The following GRK5 variants were observed in gnomAD, a reference collection of about 807,000 sequenced individuals.
GRK5 encodes g protein-coupled receptor kinase GRK5.
A neutral mutation model predicts 78.4 loss-of-function variants in GRK5; 40 were observed. That is an observed-to-expected ratio of 0.51 (90% CI 0.40 to 0.66). The LOEUF (loss-of-function observed/expected upper bound fraction) is 0.66. GRK5 is among the 30% of genes least tolerant of loss of function. The pLI is 0.00. For missense variants in GRK5, 598 were observed against 759.9 expected, an observed-to-expected ratio of 0.79 and a Z score of 2.50; for synonymous variants, 289 against 296.8, an observed-to-expected ratio of 0.97 and a Z score of 0.27.
chr10:119,254,517 G>A (rs1849250016), intron 1 of GRK5, among the ~76,000 whole-genome samples: 1 of 152,138 alleles, frequency 6.6e-6, no homozygotes, highest in Admixed American at 6.5e-5. Flanking sequence ...AAGAAACCGT[G>A]CATGGGATTT....
rs930712471 is a variant in GRK5, at chr10:119,272,197, T to A, written c.53-54319T>A. ...GCATAGATGCTAAATGGGACGGTCCTGGGTTTGCACCCTGGCCTCTGCTCT... is the reference window on the plus strand; with the variant it reads ...GCATAGATGCTAAATGGGACGGTCCAGGGTTTGCACCCTGGCCTCTGCTCT... On this transcript the variant is annotated intron_variant, in intron 1 of 15. Coordinates refer to ENST00000392870, the MANE Select transcript of GRK5 (RefSeq NM_005308.3). Among the ~76,000 whole-genome samples the A allele has an allele frequency of 2.0e-5, 3 of 152,248 alleles. No homozygotes were observed. The East Asian group carries it at 5.8e-4, about 29-fold the overall frequency.
chr10:119,280,571 C>A (rs907258219), intron 1 of GRK5, among the ~76,000 whole-genome samples: 1 of 152,076 alleles, frequency 6.6e-6, no homozygotes, highest in South Asian at 2.1e-4. Context: ...TTAGGGGTCT[C>A]AGCATGGAAA....
chr10:119,422,115 T>G (rs4752306), intron 4 of GRK5, among the ~76,000 whole-genome samples: 118,050 of 151,894 alleles, frequency 0.78, 46,091 homozygotes, highest in African/African-American at 0.83. Context: ...AATTATCTCT[T>G]TAATTTATTA....
At chr10:119,410,308 A>C (rs991429124) in intron 4 of GRK5, among the ~76,000 whole-genome samples, 5 of 152,204 alleles carry the variant, frequency 3.3e-5, no homozygotes, top group African/African-American at 4.8e-5. Context: ...GCCAGCGTTT[A>C]AAGATATCTT....
At position 119,396,757 on chromosome 10, in the gene GRK5, G is replaced by A; in HGVS notation, c.324G>A (p.Lys108=). The change falls in exon 4 of 16, where the codon AAG becomes AAA. Residue 108 remains lysine, a synonymous_variant. Transcript: ENST00000392870. ...LGEKGKEIMT[K]YLTPKSPVFI... Reference sequence around the variant, plus strand: ...AGAAAGGGAAGGAAATTATGACCAAGTACCTCACCCCAAAGGTAAGGAGTC... The same window carrying A: ...AGAAAGGGAAGGAAATTATGACCAAATACCTCACCCCAAAGGTAAGGAGTC... The A allele has an allele frequency of 6.2e-7, 1 of 1,613,486 alleles. No individual in the cohort carries two copies. Among genetic ancestry groups the A allele is most frequent in the Non-Finnish European group, 8.5e-7 (1 of 1,179,378 alleles).
chr10:119,453,057 C>T, intron 14 of GRK5, 88 bp from the exon 15 acceptor site: 1 of 927,398 alleles, frequency 1.1e-6, no homozygotes, highest in Middle Eastern at 2.5e-4. Flanking sequence ...GCAGGTGAGG[C>T]CAGGGGAGGG....
chr10:119,314,977 A>G (rs1185435781), intron 1 of GRK5, among the ~76,000 whole-genome samples: 1 of 152,190 alleles, frequency 6.6e-6, no homozygotes, highest in Non-Finnish European at 1.5e-5. Flanking sequence ...CTTGGCCTGT[A>G]TCTGCCCCAC....
chr10:119,320,597 G>A (rs1206209268), intron 1 of GRK5, among the ~76,000 whole-genome samples: 1 of 152,234 alleles, frequency 6.6e-6, no homozygotes, highest in African/African-American at 2.4e-5. Context: ...CTCCAGGAAG[G>A]TAGAATTCAG....
intron 1 of GRK5, among the ~76,000 whole-genome samples, chr10:119,241,608 T>C (rs1849029915): frequency 6.6e-6 from 1 of 152,186 alleles, no homozygotes; most frequent in African/African-American, 2.4e-5. Context: ...GGGATGTTCA[T>C]TCATTCACCC....
Position 119,380,938 on chromosome 10 carries a change from G to A in GRK5, c.261+11G>A. 1 of 1,506,718 alleles carries A rather than the reference G, an allele frequency of 6.6e-7. No homozygotes were observed. Among genetic ancestry groups the A allele is most frequent in the Non-Finnish European group, 9.2e-7 (1 of 1,082,408 alleles). 93.3% of individuals were successfully genotyped at this position (1,506,718 alleles called of 1,614,324 possible). On this transcript the variant is annotated intron_variant, in intron 3 of 15. Transcript: ENST00000392870. ...TTCCTGGACTCCGTGGTAAGTTCCT[G>A]CTCCTGAGGGATGGTCCTGTGGTCC...
intron 3 of GRK5, among the ~76,000 whole-genome samples, chr10:119,384,728 G>T (rs887520641): frequency 6.6e-6 from 1 of 152,310 alleles, no homozygotes; most frequent in African/African-American, 2.4e-5. Flanking sequence ...GAGGTTGGTG[G>T]CTTGCCTAGA....
chr10:119,220,119 C>T (rs1413661707), intron 1 of GRK5, among the ~76,000 whole-genome samples: 2 of 152,194 alleles, frequency 1.3e-5, no homozygotes, highest in African/African-American at 4.8e-5. Context: ...AATTTCTAAA[C>T]AGTCAATTCT....
intron 13 of GRK5, among the ~76,000 whole-genome samples, chr10:119,450,750 G>T (rs970998299): frequency 6.6e-6 from 1 of 152,052 alleles, no homozygotes; most frequent in Non-Finnish European, 1.5e-5. Context: ...CCCGCAAAGC[G>T]CACAGCCTGA....
chr10:119,228,889 T>G (rs1263414464), intron 1 of GRK5, among the ~76,000 whole-genome samples: 1 of 152,174 alleles, frequency 6.6e-6, no homozygotes, highest in African/African-American at 2.4e-5. Context: ...AGGGTTGGCC[T>G]TCTTAGCATT....
chr10:119,336,592 G>A lies in GRK5; in HGVS notation c.148+9981G>A, dbSNP rs921204243. ...TTTCCTTGTTAGCTTTGTGCCCCCT[G>A]ATGAGTCTGGGGCCCCTGAGAGGAT... On this transcript the variant is annotated intron_variant, in intron 2 of 15. Coordinates refer to ENST00000392870, the MANE Select transcript of GRK5 (RefSeq NM_005308.3). The surrounding 1 kb of genome is among the most constrained non-coding windows in gnomAD (Gnocchi z 4.5). Among the ~76,000 whole-genome samples the A allele has an allele frequency of 1.3e-5, 2 of 152,198 alleles. No homozygotes were observed. The highest frequency in any genetic ancestry group is 4.8e-5 in the African/African-American group (2 of 41,448).
In GRK5 at chr10:119,271,714, C is replaced by A. The variant is rs945596857; in HGVS notation, c.53-54802C>A. ...TCAGGGAAAAACAGGTGTGTGAGCA[C>A]TAGGTTGGTGACGAGGTTTAGCAGC... On this transcript the variant is annotated intron_variant, in intron 1 of 15. Transcript: ENST00000392870. This position sits in a 1 kb window ranked among gnomAD's most constrained non-coding sequence, Gnocchi z 4.1. Among the ~76,000 whole-genome samples, 3 of 152,142 alleles carry A rather than the reference C, an allele frequency of 2.0e-5. No homozygotes were observed. The South Asian group carries it at 6.2e-4, about 31-fold the overall frequency.
At chr10:119,381,022 C>G (rs2275037) in intron 3 of GRK5, 95 bp downstream of exon 3, 699,697 of 757,066 alleles carry the variant, frequency 0.92, 324,656 homozygotes, top group Non-Finnish European at 0.95. Context: ...GGTTAGAAGA[C>G]TGAGGAATAA....
At chr10:119,354,977 C>T (rs1206371632) in intron 2 of GRK5, among the ~76,000 whole-genome samples, 3 of 151,976 alleles carry the variant, frequency 2.0e-5, no homozygotes, top group Admixed American at 6.6e-5. Flanking sequence ...CATGAATGCT[C>T]GAGTCCCTGA....
At chr10:119,227,198 T>C (rs1209221454) in intron 1 of GRK5, among the ~76,000 whole-genome samples, 4 of 152,282 alleles carry the variant, frequency 2.6e-5, no homozygotes, top group Non-Finnish European at 2.9e-5. Flanking sequence ...TAATGCCCTA[T>C]TGATCACAGA....
Sources: allele counts gnomAD v4.1 joint callset (sites outside exome capture counted in the v4.1 genomes callset), GRCh38; gene constraint gnomAD v4.1.1; non-coding constraint Gnocchi (gnomAD v3.1); transcripts MANE v1.5; gene names NCBI Gene and HGNC (gene_info 2026-07-23, HGNC 2026-07-21).